Variants in STAB2 observed in about 807,000 individuals in gnomAD.
The protein encoded by STAB2 is stabilin 2.
In STAB2, 288 loss-of-function variants were observed where a neutral mutation model predicts 338.1. That is an observed-to-expected ratio of 0.85 (90% CI 0.77 to 0.94). STAB2 has a LOEUF of 0.94. Among genes scored for constraint, STAB2 ranks in the 40% least tolerant of loss-of-function variants. The pLI is 0.00. For missense variants in STAB2, 3,141 were observed against 3,210.1 expected (o/e 0.98, Z 0.52); for synonymous variants, 1,202 against 1,193.3 (o/e 1.01, Z -0.15).
chr12:103,757,499 G>T (rs1380101197), intron 63 of STAB2, among the ~76,000 whole-genome samples: 5 of 152,250 alleles, frequency 3.3e-5, no homozygotes, highest in Non-Finnish European at 7.3e-5. Flanking sequence ...GAAGATGATA[G>T]ATCCAGATCC....
intron 12 of STAB2, among the ~76,000 whole-genome samples, chr12:103,653,230 G>A (rs1873876426): frequency 6.6e-6 from 1 of 151,982 alleles, no homozygotes; most frequent in Non-Finnish European, 1.5e-5. Flanking sequence ...TGGGGAGCAG[G>A]TGATTAGTCA....
At position 103,766,405 on chromosome 12, in the gene STAB2, C is replaced by T; in HGVS notation, c.*69C>T. 6.5e-7 allele frequency: 1 copy of T among 1,537,936 alleles called. No homozygotes were observed. Among genetic ancestry groups the T allele is most frequent in the Non-Finnish European group, 8.8e-7 (1 of 1,137,786 alleles). ...GCCATCAACTGTGAATTCTCAGCAC[C>T]AGTTGCCTTTTAGGAACGTAAAGTC... On this transcript the variant is annotated 3_prime_UTR_variant, in exon 69 of 69. Transcript: ENST00000388887.
At chr12:103,724,857 A>T in intron 44 of STAB2, 118 bp from the exon 45 acceptor site, 1 of 1,524,398 alleles carries the variant, frequency 6.6e-7, no homozygotes, top group South Asian at 1.2e-5. Flanking sequence ...AATACAAATG[A>T]ATCAAAGAGA....
chr12:103,594,395 G>A lies in STAB2; in HGVS notation c.216G>A (p.Arg72=), dbSNP rs1294650043. The change falls in exon 3 of 69, where the codon AGG becomes AGA. Residue 72 remains arginine, a splice_region_variant and synonymous_variant. Transcript: ENST00000388887. ...TSGSVGVRDC[R]YTFEVRTYSL... is the part of the protein sequence containing the mutation. ...TAATGTCCTCTCTTTACCCTCCAAG[G>A]TACACCTTTGAGGTCAGAACATACT... The A allele has an allele frequency of 2.5e-6, 4 of 1,613,038 alleles. No homozygotes were observed. In the South Asian group the frequency reaches 3.3e-5, roughly 13 times the overall value.
chr12:103,613,543 G>T (rs1425567171), intron 3 of STAB2, among the ~76,000 whole-genome samples: 2 of 152,200 alleles, frequency 1.3e-5, no homozygotes, highest in Admixed American at 1.3e-4. Context: ...GAAAAGCGCA[G>T]TATCAGGGTG....
Position 103,622,078 on chromosome 12 carries a change from G to A in STAB2, c.454G>A (p.Asp152Asn). 1 of 1,614,206 alleles carries A rather than the reference G, an allele frequency of 6.2e-7. No homozygotes were observed. Among genetic ancestry groups the A allele is most frequent in the Non-Finnish European group, 8.5e-7 (1 of 1,180,044 alleles). The stretch of plus-strand genomic sequence containing the variant: ...TGGAACAGCCTGTGAAACCTGTGCT[G>A]ACGACAACTTATTTGGACCCAGCTG... ...FGGTACETCADDNLFGPSCSS... is the reference protein window; with the variant it reads ...FGGTACETCANDNLFGPSCSS... The change falls in exon 5 of 69, where the codon GAC becomes AAC. Residue 152 changes from aspartate (D) to asparagine (N), a missense_variant. Asp to Asn is a conservative substitution (Grantham distance 23). Transcript: ENST00000388887.
At position 103,733,141 on chromosome 12, in the gene STAB2, C is replaced by T; in HGVS notation, c.5419C>T (p.Leu1807=). 6.2e-7 allele frequency: 1 copy of T among 1,614,106 alleles called. No individual in the cohort carries two copies. The highest frequency in any genetic ancestry group is 8.5e-7 in the Non-Finnish European group (1 of 1,180,006). The change falls in exon 51 of 69, where the codon CTG becomes TTG. Residue 1807 remains leucine (L), a synonymous_variant. Transcript: ENST00000388887. Reference sequence around the variant, plus strand: ...GTTCAACCAAGACAACAAGGACAAGCTGAAGGAGTATTTGAAGTTTCATGT... The same window carrying T: ...GTTCAACCAAGACAACAAGGACAAGTTGAAGGAGTATTTGAAGTTTCATGT... ...FLFNQDNKDK[L]KEYLKFHVIR...
chr12:103,610,859 ATGTGTCC>A (rs1957111568), intron 3 of STAB2, among the ~76,000 whole-genome samples: 1 of 152,126 alleles, frequency 6.6e-6, no homozygotes, highest in South Asian at 2.1e-4. Context: ...ACTGCTTTAA[ATGTGTCC>A]CAGAGATTCT....
chr12:103,665,498 C>A (rs1392920167), intron 18 of STAB2, among the ~76,000 whole-genome samples: 2 of 152,038 alleles, frequency 1.3e-5, no homozygotes, highest in Non-Finnish European at 2.9e-5. Flanking sequence ...AACTAGGGAC[C>A]AAAGAGCCCA....
intron 33 of STAB2, among the ~76,000 whole-genome samples, chr12:103,698,060 G>C (rs181057022): frequency 5.9e-5 from 9 of 152,308 alleles, no homozygotes; most frequent in Non-Finnish European, 1.3e-4. Flanking sequence ...TGCCACTGCA[G>C]GGAAGAGAAG....
chr12:103,736,158 T>G (rs756463053), intron 52 of STAB2, among the ~76,000 whole-genome samples: 1 of 152,222 alleles, frequency 6.6e-6, no homozygotes, highest in Non-Finnish European at 1.5e-5. Flanking sequence ...ATATAAGGAT[T>G]TATTCTCTTT....
intron 24 of STAB2, 28 bp downstream of exon 24, chr12:103,676,049 G>A (rs776931012): frequency 7.6e-6 from 10 of 1,320,904 alleles, no homozygotes; most frequent in African/African-American, 3.0e-5. Context: ...TTTCCACCCT[G>A]CCTGGTTTCT....
chr12:103,652,556 G>T lies in STAB2; in HGVS notation c.1258G>T (p.Val420Leu), dbSNP rs1274069423. 5.1e-6 allele frequency: 8 copies of T among 1,567,456 alleles called. No individual in the cohort carries two copies. Among genetic ancestry groups the T allele is most frequent in the Non-Finnish European group, 6.9e-6 (8 of 1,160,250 alleles). The change falls in exon 12 of 69, where the codon GTA (valine) becomes TTA (leucine). Residue 420 changes from valine to leucine, a missense_variant and splice_region_variant. Physicochemically the swap from Val to Leu is conservative, Grantham distance 32 (BLOSUM62 1). Coordinates refer to ENST00000388887, the MANE Select transcript of STAB2 (RefSeq NM_017564.10). ...AGTAAAATTGGCTCTTCTCTCTTAGGTAAATGAGCTTTTGGTGGATAATAA... is the reference window on the plus strand; with the variant it reads ...AGTAAAATTGGCTCTTCTCTCTTAGTTAAATGAGCTTTTGGTGGATAATAA... Reference protein sequence around the residue: ...PTDKGLKGFNVNELLVDNKAA... With the variant: ...PTDKGLKGFNLNELLVDNKAA...
chr12:103,600,756 T>C (rs958299917), intron 3 of STAB2, among the ~76,000 whole-genome samples: 8 of 115,032 alleles, frequency 7.0e-5, no homozygotes, highest in African/African-American at 1.8e-4. Flanking sequence ...ATATTTGATG[T>C]TGTGGCTCAA....
At chr12:103,625,034 A>G (rs1957359924) in intron 5 of STAB2, among the ~76,000 whole-genome samples, 1 of 152,084 alleles carries the variant, frequency 6.6e-6, no homozygotes, top group Non-Finnish European at 1.5e-5. Flanking sequence ...GTAATCAGTC[A>G]ACTATATAGA....
At chr12:103,735,042 T>C (rs73192005) in intron 51 of STAB2, among the ~76,000 whole-genome samples, 5,133 of 152,320 alleles carry the variant, frequency 0.034, 153 homozygotes, top group East Asian at 0.09. Context: ...TACCTCATCC[T>C]AACTAGTTAC....
At chr12:103,766,148 C>A in intron 68 of STAB2, 138 bp from the exon 69 acceptor site, 1 of 1,183,434 alleles carries the variant, frequency 8.4e-7, no homozygotes, top group Non-Finnish European at 1.2e-6. Flanking sequence ...AAGGCAGCAG[C>A]ACAAACAAAC....
At chr12:103,718,476 T>C (rs1000589079) in intron 44 of STAB2, among the ~76,000 whole-genome samples, 24 of 151,274 alleles carry the variant, frequency 1.6e-4, no homozygotes, top group African/African-American at 5.9e-4. Context: ...CCTATGTCCA[T>C]GCACACATCA....
chr12:103,766,291 T>C lies in STAB2; in HGVS notation c.7611T>C (p.Ser2537=). The change falls in exon 69 of 69, where the codon TCT becomes TCC. Residue 2537 remains serine (S), a synonymous_variant. Transcript: ENST00000388887. ...PEPSYDPFTD[S]EERQLEGNDP... The stretch of plus-strand genomic sequence containing the variant: ...TACAACCCTCTCTTTTCCAGGACTC[T>C]GAAGAACGGCAGCTTGAGGGCAATG... 6.2e-7 allele frequency: 1 copy of C among 1,614,048 alleles called. No individual in the cohort carries two copies. Among genetic ancestry groups the C allele is most frequent in the Non-Finnish European group, 8.5e-7 (1 of 1,179,986 alleles).
Sources: allele counts gnomAD v4.1 joint callset (sites outside exome capture counted in the v4.1 genomes callset), GRCh38; gene constraint gnomAD v4.1.1; transcripts MANE v1.5; gene names NCBI Gene and HGNC (gene_info 2026-07-23, HGNC 2026-07-21).